The following SAMD3 variants were observed in gnomAD, a reference collection of about 807,000 sequenced individuals.
SAMD3 encodes sterile alpha motif domain containing 3.
A neutral mutation model predicts 58.5 loss-of-function variants in SAMD3; 63 were observed. The ratio of observed to expected loss-of-function variants is 1.08; its 90% CI spans 0.88 to 1.33. SAMD3 has a LOEUF of 1.33. Among genes scored for constraint, SAMD3 ranks in the 40% most tolerant of loss-of-function variants. SAMD3 has a pLI of 0.00. For synonymous variants in SAMD3, 220 were observed against 210.3 expected (o/e 1.05, Z -0.40); for missense variants, 604 against 608.4 (o/e 0.99, Z 0.08).
At chr6:130,180,162 C>A (rs1253807503) in intron 7 of SAMD3, among the ~76,000 whole-genome samples, 1 of 151,656 alleles carries the variant, frequency 6.6e-6, no homozygotes, top group Non-Finnish European at 1.5e-5. Context: ...GCTCTGTCAT[C>A]CAGGCCGGAG....
rs963929866 is a variant in SAMD3, at chr6:130,146,845, C to T, written c.1024-664G>A. The stretch of plus-strand genomic sequence containing the variant: ...AAAATTAGCTGGGCATGGCAACATA[C>T]GTGTATAGTCTCAGCTACTCAGGAG... On this transcript the variant is annotated intron_variant, in intron 9 of 11. Coordinates refer to ENST00000439090, the MANE Select transcript of SAMD3 (RefSeq NM_001017373.4). 5.4e-4 allele frequency among the ~76,000 whole-genome samples: 82 copies of T among 152,038 alleles called. 2 individuals are homozygous for T. Among genetic ancestry groups the T allele is most frequent in the South Asian group, 2.1e-4 (1 of 4,810 alleles).
chr6:130,231,486 C>A (rs1796547447), intron 2 of SAMD3, among the ~76,000 whole-genome samples: 1 of 152,128 alleles, frequency 6.6e-6, no homozygotes, highest in Non-Finnish European at 1.5e-5. Flanking sequence ...TCCACTTGAA[C>A]CTGGGAGGCG....
chr6:130,322,576 C>T (rs1269815125), intron 1 of SAMD3, among the ~76,000 whole-genome samples: 4 of 152,154 alleles, frequency 2.6e-5, no homozygotes, highest in Non-Finnish European at 1.5e-5. Context: ...GCAGAAGTTG[C>T]AGTGAGCCGA....
intron 2 of SAMD3, among the ~76,000 whole-genome samples, chr6:130,309,801 C>T (rs1776079393): frequency 6.6e-6 from 1 of 152,196 alleles, no homozygotes; most frequent in Admixed American, 6.5e-5. Context: ...CTGTCCTCTG[C>T]TAGTATCCTG....
At chr6:130,180,121 T>TTTA (rs1171254825) in intron 7 of SAMD3, among the ~76,000 whole-genome samples, 3 of 151,180 alleles carry the variant, frequency 2.0e-5, no homozygotes, top group African/African-American at 4.9e-5. Context: ...GACCTTTTTT[T>TTTA]TTATTATTAT....
At chr6:130,259,730 G>A (rs1774053425) in intron 2 of SAMD3, among the ~76,000 whole-genome samples, 1 of 152,094 alleles carries the variant, frequency 6.6e-6, no homozygotes, top group South Asian at 2.1e-4. Flanking sequence ...TGAGATAACT[G>A]TGCACTCATG....
At position 130,173,014 on chromosome 6, in the gene SAMD3, C is replaced by T. The variant is rs369095496; in HGVS notation, c.822+2827G>A. 1.1e-4 allele frequency among the ~76,000 whole-genome samples: 16 copies of T among 151,878 alleles called. No homozygotes were observed. In the East Asian group the frequency reaches 1.2e-3, roughly 11 times the overall value. On this transcript the variant is annotated intron_variant, in intron 8 of 11. Transcript: ENST00000439090. The stretch of plus-strand genomic sequence containing the variant: ...GATTGATTCCACTATGGATACTTGA[C>T]GAAGTTCTCGTCCTGTGTTTTTCAG...
At chr6:130,145,920 A>G in intron 10 of SAMD3, 90 bp downstream of exon 10, 1 of 652,500 alleles carries the variant, frequency 1.5e-6, no homozygotes, top group South Asian at 6.2e-5. Flanking sequence ...AATGTAAACT[A>G]CTGAATTTTA....
At chr6:130,323,444 A>T (rs965221893) in intron 1 of SAMD3, among the ~76,000 whole-genome samples, 1 of 148,046 alleles carries the variant, frequency 6.8e-6, no homozygotes, top group Admixed American at 6.7e-5. Flanking sequence ...AAAATTTCCA[A>T]TTTTTTTTTT....
intron 2 of SAMD3, among the ~76,000 whole-genome samples, chr6:130,272,049 T>G (rs4302686): frequency 0.31 from 47,261 of 152,030 alleles, 7,726 homozygotes; most frequent in East Asian, 0.47. Flanking sequence ...TTAATTTGCA[T>G]TTTATTGAGT....
chr6:130,325,234 T>A (rs1583108221), intron 1 of SAMD3, among the ~76,000 whole-genome samples: 1 of 152,170 alleles, frequency 6.6e-6, no homozygotes, highest in Non-Finnish European at 1.5e-5. Context: ...AATTGACTCA[T>A]ATGATTATGG....
intron 2 of SAMD3, among the ~76,000 whole-genome samples, chr6:130,270,580 A>G (rs1227651992): frequency 6.6e-6 from 1 of 152,236 alleles, no homozygotes; most frequent in African/African-American, 2.4e-5. Context: ...AGTTAAACCT[A>G]AACCAAAATT....
At chr6:130,312,293 T>C (rs565799172) in intron 2 of SAMD3, among the ~76,000 whole-genome samples, 4 of 152,218 alleles carry the variant, frequency 2.6e-5, no homozygotes, top group Non-Finnish European at 5.9e-5. Context: ...AAGGCTTTTA[T>C]CAAAAAGCAG....
At chr6:130,343,596 G>A (rs1777341386) in intron 1 of SAMD3, among the ~76,000 whole-genome samples, 1 of 152,106 alleles carries the variant, frequency 6.6e-6, no homozygotes, top group South Asian at 2.1e-4. Context: ...TTAGGGGCTG[G>A]GTGTACTAAG....
At chr6:130,324,368 T>TTTGGCCATACATATGATGAGTATGAG (rs1281201278) in intron 1 of SAMD3, among the ~76,000 whole-genome samples, 1 of 152,362 alleles carries the variant, frequency 6.6e-6, no homozygotes, top group East Asian at 1.9e-4. Context: ...GATGAGTATG[T>TTTGGCCATACATATGATGAGTATGAG]TAACTGTGAT....
chr6:130,344,252 A>G (rs1032935432), intron 1 of SAMD3, among the ~76,000 whole-genome samples: 2 of 152,198 alleles, frequency 1.3e-5, no homozygotes, highest in African/African-American at 4.8e-5. Flanking sequence ...TTTTTCCTAC[A>G]TGTATGTCTC....
intron 9 of SAMD3, among the ~76,000 whole-genome samples, chr6:130,148,458 AGACTCGTCTT>A (rs1454483489): frequency 6.6e-6 from 1 of 152,206 alleles, no homozygotes; most frequent in Non-Finnish European, 1.5e-5. Flanking sequence ...ACAGTATTTC[AGACTCGTCTT>A]GACTCGTCTT....
chr6:130,195,125 C>T (rs1364257339), intron 5 of SAMD3, among the ~76,000 whole-genome samples: 1 of 152,176 alleles, frequency 6.6e-6, no homozygotes, highest in Non-Finnish European at 1.5e-5. Flanking sequence ...ACTAAATTAT[C>T]TGCTTCCCTG....
At position 130,319,136 on chromosome 6, in the gene SAMD3, A is replaced by G. The variant is rs544224981; in HGVS notation, c.-303-6043T>C. 5.3e-5 allele frequency among the ~76,000 whole-genome samples: 8 copies of G among 152,296 alleles called. 1 individual carries two copies. The South Asian group carries it at 1.7e-3, about 32-fold the overall frequency. On this transcript the variant is annotated intron_variant, in intron 1 of 13. Coordinates refer to the SAMD3 transcript ENST00000368134. Reference sequence around the variant, plus strand: ...AAAATCCTGAACGAATCAATAAAGCATCAGTGGGTTGTGAGGCAACTTCAA... The same window carrying G: ...AAAATCCTGAACGAATCAATAAAGCGTCAGTGGGTTGTGAGGCAACTTCAA...
Sources: allele counts gnomAD v4.1 joint callset (sites outside exome capture counted in the v4.1 genomes callset), GRCh38; gene constraint gnomAD v4.1.1; transcripts MANE v1.5; gene names NCBI Gene and HGNC (gene_info 2026-07-23, HGNC 2026-07-21).